The following CCNJL variants were observed in gnomAD, a reference collection of about 807,000 sequenced individuals.
The protein encoded by CCNJL is cyclin J like.
A neutral mutation model predicts 33.4 loss-of-function variants in CCNJL; 33 were observed. That is an observed-to-expected ratio of 0.99 (90% confidence interval 0.75 to 1.32). The LOEUF (loss-of-function observed/expected upper bound fraction) is 1.32. Ranked by LOEUF, CCNJL falls within the 40% of genes most tolerant of loss-of-function variation. CCNJL has a pLI of 0.00. For missense variants in CCNJL, 512 were observed against 499.7 expected, an observed-to-expected ratio of 1.02 and a Z score of -0.23; for synonymous variants, 227 against 220.9, an observed-to-expected ratio of 1.03 and a Z score of -0.24.
chr5:160,312,052 T>TGGCCCCG (rs1763281341), intron 1 of CCNJL, 80 bp from the exon 2 acceptor site: 4 of 908,346 alleles, frequency 4.4e-6, no homozygotes, highest in Non-Finnish European at 6.9e-6. Context: ...CTCTCGCCCC[T>TGGCCCCG]GGCCCCGGGC....
intron 2 of CCNJL, among the ~76,000 whole-genome samples, chr5:160,305,268 T>G (rs1763055294): frequency 6.6e-6 from 1 of 152,194 alleles, no homozygotes; most frequent in Admixed American, 6.5e-5. Context: ...TAATGCAGTT[T>G]TGACACAGGG....
intron 1 of CCNJL, among the ~76,000 whole-genome samples, chr5:160,321,010 CTCTCTTTCTTTCTTTCTTTCTTTCTT>C (rs1286755507): frequency 0.035 from 3,119 of 87,890 alleles, 131 homozygotes; most frequent in South Asian, 0.072. Context: ...CTCTCTCTCT[CTCTCTTTCTTTCTTTCTTTCTTTCTT>C]TCTTTCTTTC....
intron 3 of CCNJL, among the ~76,000 whole-genome samples, chr5:160,262,267 T>C (rs537849543): frequency 6.6e-6 from 1 of 152,176 alleles, no homozygotes; most frequent in Non-Finnish European, 1.5e-5. Context: ...CTGGCAGATG[T>C]GCTCAATCAG....
chr5:160,269,519 T>C (rs1193929171), intron 3 of CCNJL: 2 of 456,452 alleles, frequency 4.4e-6, no homozygotes, highest in Non-Finnish European at 8.8e-6. Flanking sequence ...GTGTGGGCAC[T>C]GGGGACCCTG....
At chr5:160,266,929 A>G (rs754908227) in intron 3 of CCNJL, among the ~76,000 whole-genome samples, 12 of 152,144 alleles carry the variant, frequency 7.9e-5, no homozygotes, top group Non-Finnish European at 1.5e-4. Context: ...GGTGATTTCA[A>G]GGCTCACAGT....
rs114377561 is a variant in CCNJL, at chr5:160,336,895, C to T, written n.206+2550G>A. 9.0e-3 allele frequency among the ~76,000 whole-genome samples: 1,373 copies of T among 152,160 alleles called. 17 individuals carry two copies. The highest frequency in any genetic ancestry group is 0.031 in the African/African-American group (1,280 of 41,514). On this transcript the variant is annotated intron_variant and non_coding_transcript_variant, in intron 1 of 7. Coordinates refer to the CCNJL transcript ENST00000377503. The stretch of plus-strand genomic sequence containing the variant: ...TCTCCAAAGACGGCCAAAATTACAT[C>T]GTTTCTTACCTCTTTCCTGCAACCA...
At chr5:160,327,621 G>A (rs1763553396) in intron 1 of CCNJL, among the ~76,000 whole-genome samples, 1 of 152,222 alleles carries the variant, frequency 6.6e-6, no homozygotes, top group South Asian at 2.1e-4. Context: ...CCAGGAGTTG[G>A]CGATAGAGGA....
At chr5:160,301,426 A>G (rs1269448402) in intron 2 of CCNJL, among the ~76,000 whole-genome samples, 1 of 151,170 alleles carries the variant, frequency 6.6e-6, no homozygotes, top group African/African-American at 2.4e-5. Context: ...GTTGATGGCA[A>G]TGGCCTATGT....
At chr5:160,256,897 G>C (rs552107987) in intron 4 of CCNJL, among the ~76,000 whole-genome samples, 10 of 151,460 alleles carry the variant, frequency 6.6e-5, no homozygotes, top group Admixed American at 2.6e-4. Flanking sequence ...CAGCCTGGGC[G>C]ACAGGGCAAG....
chr5:160,254,797 T>G (rs547639328), intron 5 of CCNJL: 3 of 155,142 alleles, frequency 1.9e-5, no homozygotes, highest in African/African-American at 7.2e-5. Flanking sequence ...TCTGACACAC[T>G]GAACATTTCC....
Position 160,311,851 on chromosome 5 carries a change from G to T in CCNJL, c.66+7C>A. The T allele has an allele frequency of 6.2e-7, 1 of 1,612,430 alleles. No individual in the cohort carries two copies. The highest frequency in any genetic ancestry group is 8.5e-7 in the Non-Finnish European group (1 of 1,178,416). The stretch of plus-strand genomic sequence containing the variant: ...CTTGAGAGTGACAAGGGCAGGGAGG[G>T]ACTGACCTTCTCGCGCAGGGTGCAG... On this transcript the variant is annotated splice_region_variant and intron_variant, in intron 2 of 5. Transcript: ENST00000257536.
At chr5:160,291,903 T>C (rs1243622268) in intron 2 of CCNJL, among the ~76,000 whole-genome samples, 3 of 152,140 alleles carry the variant, frequency 2.0e-5, no homozygotes, top group Admixed American at 6.5e-5. Context: ...AATATGGTGA[T>C]TTCCCAGGGG....
intron 3 of CCNJL, among the ~76,000 whole-genome samples, chr5:160,270,991 A>G (rs1761814823): frequency 6.6e-6 from 1 of 152,220 alleles, no homozygotes; most frequent in African/African-American, 2.4e-5. Flanking sequence ...TCGGTGACAA[A>G]GAGAGACTTT....
At chr5:160,324,029 C>T (rs2113475730) in intron 1 of CCNJL, among the ~76,000 whole-genome samples, 1 of 152,296 alleles carries the variant, frequency 6.6e-6, no homozygotes, top group Admixed American at 6.5e-5. Flanking sequence ...CATGGGTCTC[C>T]AGCTTGCCAA....
At chr5:160,334,971 T>G (rs1161732618) in intron 1 of CCNJL, among the ~76,000 whole-genome samples, 2 of 152,176 alleles carry the variant, frequency 1.3e-5, no homozygotes, top group African/African-American at 4.8e-5. Flanking sequence ...ATATATAGAT[T>G]ATACATTTTG....
At chr5:160,295,171 C>T (rs1482648753) in intron 2 of CCNJL, among the ~76,000 whole-genome samples, 1 of 152,214 alleles carries the variant, frequency 6.6e-6, no homozygotes, top group Admixed American at 6.5e-5. Context: ...TTCTTGTCTA[C>T]TCAAAACCTC....
intron 3 of CCNJL, among the ~76,000 whole-genome samples, chr5:160,272,402 T>C (rs1761867850): frequency 6.6e-6 from 1 of 152,168 alleles, no homozygotes; most frequent in Non-Finnish European, 1.5e-5. Flanking sequence ...CTTTTAGTGG[T>C]ATCTGCCCTA....
intron 2 of CCNJL, among the ~76,000 whole-genome samples, chr5:160,304,086 T>C (rs1378686746): frequency 6.6e-6 from 1 of 152,202 alleles, no homozygotes; most frequent in South Asian, 2.1e-4. Flanking sequence ...ATTGCTGTCG[T>C]GATTTTGCAG....
chr5:160,259,374 G>A, intron 4 of CCNJL, 95 bp downstream of exon 4: 1 of 1,136,090 alleles, frequency 8.8e-7, no homozygotes, highest in Admixed American at 2.3e-5. Flanking sequence ...GAGAAGGCCT[G>A]ATCTGGATGG....
Sources: gnomAD v4.1 joint callset for allele counts (sites outside exome capture counted in the v4.1 genomes callset) on GRCh38, gnomAD v4.1.1 for gene constraint, MANE v1.5 for transcripts, NCBI Gene and HGNC (gene_info 2026-07-23, HGNC 2026-07-21) for gene names.